Variants in NAALADL2 observed in about 807,000 individuals in gnomAD.
NAALADL2 encodes inactive N-acetylated-alpha-linked acidic dipeptidase-like protein 2.
NAALADL2 carries 76 observed loss-of-function variants against 87.2 expected under a neutral mutation model. That is an observed-to-expected ratio of 0.87 (90% CI 0.72 to 1.05). The LOEUF is 1.05. NAALADL2 is among the 50% of genes least tolerant of loss of function. The pLI is 0.00. For synonymous variants in NAALADL2, 354 were observed against 331.0 expected, an observed-to-expected ratio of 1.07 and a Z score of -0.75; for missense variants, 1,089 against 945.8, an observed-to-expected ratio of 1.15 and a Z score of -1.99.
chr3:174,609,913 A>T (rs1038205297), intron 2 of NAALADL2, among the ~76,000 whole-genome samples: 5 of 152,174 alleles, frequency 3.3e-5, no homozygotes, highest in Non-Finnish European at 5.9e-5. Flanking sequence ...ACTTCAAACT[A>T]TACTACAAGG....
At chr3:174,856,537 C>A (rs554039117), upstream of NAALADL2, among the ~76,000 whole-genome samples, 180 of 152,228 alleles carry the variant, frequency 1.2e-3, no homozygotes, top group Non-Finnish European at 2.1e-3. Flanking sequence ...TGCCTGTTAG[C>A]CACTTAGGAT....
intron 13 of NAALADL2, among the ~76,000 whole-genome samples, chr3:175,799,859 T>C (rs1753931656): frequency 6.6e-6 from 1 of 152,174 alleles, no homozygotes; most frequent in Non-Finnish European, 1.5e-5. Flanking sequence ...ATGGTTGATA[T>C]GGCTTCTTCT....
chr3:175,059,942 G>A, intron 1 of NAALADL2: 2 of 419,312 alleles, frequency 4.8e-6, no homozygotes, highest in South Asian at 2.0e-5. Context: ...GCTTGTGGTG[G>A]CACATAACCT....
chr3:175,723,630 T>C (rs1483699357), intron 11 of NAALADL2, among the ~76,000 whole-genome samples: 1 of 152,116 alleles, frequency 6.6e-6, no homozygotes, highest in Non-Finnish European at 1.5e-5. Flanking sequence ...GGTGTTTCTC[T>C]AAAAAAATCT....
intron 1 of NAALADL2, among the ~76,000 whole-genome samples, chr3:174,473,333 A>G (rs1026387491): frequency 2.6e-5 from 4 of 152,168 alleles, no homozygotes; most frequent in Admixed American, 1.3e-4. Flanking sequence ...TTGCTTAACT[A>G]CATCAACCCT....
chr3:175,783,208 A>T (rs535105482), intron 13 of NAALADL2, among the ~76,000 whole-genome samples: 8 of 152,072 alleles, frequency 5.3e-5, no homozygotes, highest in East Asian at 3.9e-4. Flanking sequence ...TGGTTCCATA[A>T]GAACTTTAAA....
chr3:175,148,123 T>A (rs981512299), intron 2 of NAALADL2, among the ~76,000 whole-genome samples: 48 of 146,116 alleles, frequency 3.3e-4, no homozygotes, highest in Admixed American at 1.1e-3. Context: ...ATAATAATAA[T>A]AAAATAATAA....
At chr3:175,583,384 A>G (rs1261173087) in intron 10 of NAALADL2, among the ~76,000 whole-genome samples, 2 of 152,116 alleles carry the variant, frequency 1.3e-5, no homozygotes, top group African/African-American at 4.8e-5. Flanking sequence ...ATGCAATTGT[A>G]TCTCATGATT....
intron 3 of NAALADL2, among the ~76,000 whole-genome samples, chr3:174,751,875 TGC>T (rs1297838948): frequency 1.4e-5 from 2 of 148,088 alleles, no homozygotes; most frequent in South Asian, 2.2e-4. Flanking sequence ...TGTGTGTGTG[TGC>T]GCGTGCGCAA....
At chr3:175,691,200 A>G (rs1054655573) in intron 11 of NAALADL2, among the ~76,000 whole-genome samples, 2 of 151,040 alleles carry the variant, frequency 1.3e-5, no homozygotes, top group African/African-American at 4.8e-5. Flanking sequence ...GTGTATATGT[A>G]TATATAAATG....
chr3:174,952,996 T>C (rs1740607527), intron 1 of NAALADL2, among the ~76,000 whole-genome samples: 1 of 151,968 alleles, frequency 6.6e-6, no homozygotes, highest in Non-Finnish European at 1.5e-5. Flanking sequence ...GATGGGATAA[T>C]GGTAGGAGGC....
intron 2 of NAALADL2, among the ~76,000 whole-genome samples, chr3:175,099,548 T>A (rs1001010606): frequency 6.6e-6 from 1 of 152,212 alleles, no homozygotes; most frequent in Non-Finnish European, 1.5e-5. Context: ...TAACCACATG[T>A]CATTATGAGT....
chr3:174,541,238 A>T (rs1195843472), intron 1 of NAALADL2, among the ~76,000 whole-genome samples: 1 of 152,182 alleles, frequency 6.6e-6, no homozygotes, highest in Non-Finnish European at 1.5e-5. Flanking sequence ...ATTTAATTTT[A>T]ATTGGGAATG....
intron 5 of NAALADL2, among the ~76,000 whole-genome samples, chr3:175,424,722 C>A (rs764632810): frequency 6.6e-6 from 1 of 152,114 alleles, no homozygotes; most frequent in Non-Finnish European, 1.5e-5. Context: ...TAGCGTGATG[C>A]CTCCGGCTTT....
intron 9 of NAALADL2, among the ~76,000 whole-genome samples, chr3:175,485,737 G>T (rs1727167378): frequency 6.6e-6 from 1 of 152,066 alleles, no homozygotes; most frequent in Non-Finnish European, 1.5e-5. Flanking sequence ...ATTAAGGCTG[G>T]GTCTGGCTCT....
At chr3:175,558,124 G>A (rs1715608986) in intron 9 of NAALADL2, among the ~76,000 whole-genome samples, 1 of 150,116 alleles carries the variant, frequency 6.7e-6, no homozygotes, top group African/African-American at 2.5e-5. Flanking sequence ...GAACCCGGGA[G>A]GCGGAGCTTG....
At chr3:174,492,225 G>A (rs543707554) in intron 1 of NAALADL2, among the ~76,000 whole-genome samples, 5 of 150,946 alleles carry the variant, frequency 3.3e-5, no homozygotes, top group African/African-American at 9.7e-5. Flanking sequence ...AGCCAAGATC[G>A]CATCATTGCA....
At chr3:174,931,233 A>G (rs1222612035) in intron 1 of NAALADL2, among the ~76,000 whole-genome samples, 1 of 152,178 alleles carries the variant, frequency 6.6e-6, no homozygotes, top group Non-Finnish European at 1.5e-5. Flanking sequence ...TGGTGAAATT[A>G]TATATTCATG....
intron 13 of NAALADL2, among the ~76,000 whole-genome samples, chr3:175,791,553 T>G (rs1752779173): frequency 6.6e-6 from 1 of 152,070 alleles, no homozygotes; most frequent in Admixed American, 6.6e-5. Context: ...AGAGCAGAAG[T>G]AGAGGCAGCA....
Sources: gnomAD v4.1 joint callset for allele counts (sites outside exome capture counted in the v4.1 genomes callset) on GRCh38, gnomAD v4.1.1 for gene constraint, MANE v1.5 for transcripts, NCBI Gene and HGNC (gene_info 2026-07-23, HGNC 2026-07-21) for gene names.